Variants in MYO10 observed in about 807,000 individuals in gnomAD.
The protein encoded by MYO10 is myosin X, also known as unconventional myosin-X.
MYO10 carries 133 observed loss-of-function variants against 257.3 expected under a neutral mutation model. The ratio of observed to expected loss-of-function variants is 0.52; its 90% confidence interval spans 0.45 to 0.60. MYO10 has a LOEUF of 0.60. Among genes scored for constraint, MYO10 ranks in the 20% least tolerant of loss-of-function variants. The probability of loss-of-function intolerance (pLI) is 0.00; values close to 1 mark genes in which losing one functional copy is unlikely to be tolerated. For synonymous variants in MYO10, 1,104 were observed against 1,028.6 expected (o/e 1.07, Z -1.40); for missense variants, 2,399 against 2,635.7 (o/e 0.91, Z 1.97).
chr5:16,722,967 A>G (rs1739209254), intron 19 of MYO10, among the ~76,000 whole-genome samples: 1 of 152,236 alleles, frequency 6.6e-6, no homozygotes, highest in Non-Finnish European at 1.5e-5. Flanking sequence ...AACACTTAAA[A>G]CTAAACAATA....
At chr5:16,925,878 G>A (rs770948691) in intron 1 of MYO10, among the ~76,000 whole-genome samples, 10 of 152,114 alleles carry the variant, frequency 6.6e-5, no homozygotes, top group Non-Finnish European at 1.5e-4. Context: ...TCAGAATTTG[G>A]AATATTTGCA....
intron 2 of MYO10, among the ~76,000 whole-genome samples, chr5:16,854,927 G>A (rs374161481): frequency 6.6e-6 from 1 of 151,952 alleles, no homozygotes. Flanking sequence ...CAGCTACTCG[G>A]GAGGCTGAGG....
intron 2 of MYO10, among the ~76,000 whole-genome samples, chr5:16,874,344 C>CT (rs796101418): frequency 6.0e-4 from 17 of 28,468 alleles, no homozygotes; most frequent in African/African-American, 9.1e-4. Flanking sequence ...AAAAAAAAAG[C>CT]GGGGGGGGGG....
rs1579961087 is a variant in MYO10 at position 16,762,035 on chromosome 5, A to G, written c.1656+10T>C. Reference sequence around the variant, plus strand: ...GGCAAATATCAATAGGTATCTTAATAAAAAGTTACCTCTCCAGCATAGTGC... The same window carrying G: ...GGCAAATATCAATAGGTATCTTAATGAAAAGTTACCTCTCCAGCATAGTGC... On this transcript the variant is annotated intron_variant, in intron 16 of 40. Coordinates refer to ENST00000513610, the MANE Select transcript of MYO10 (RefSeq NM_012334.3). 1 of 1,529,650 alleles carries G rather than the reference A, an allele frequency of 6.5e-7. No individual in the cohort carries two copies. 94.8% of individuals were successfully genotyped at this position (1,529,650 alleles called of 1,614,324 possible).
In MYO10 at chr5:16,845,962, C is replaced by CA. The variant is rs577032283; in HGVS notation, c.121-27796dup. On this transcript the variant is annotated intron_variant, in intron 2 of 40. Transcript: ENST00000513610. ...CTGGTGACAGAGCGAGACTCTGTCT[C>CA]AAAAAAAAAAGAAAAGGAAAAGAAT... is the stretch of plus-strand genomic sequence containing the variant. Among the ~76,000 whole-genome samples, 821 of 140,482 alleles carry CA rather than the reference C, an allele frequency of 5.8e-3. 5 individuals carry two copies. The highest frequency in any genetic ancestry group is 0.021 in the Middle Eastern group (6 of 280). The allele number at this position is 140,482 out of a possible 152,430, so 92.2% of individuals were successfully genotyped here.
chr5:16,760,962 A>ATATTATTAT (rs149691790), intron 17 of MYO10, among the ~76,000 whole-genome samples: 1 of 150,596 alleles, frequency 6.6e-6, no homozygotes, highest in Admixed American at 6.6e-5. Flanking sequence ...GTCATTGCTT[A>ATATTATTAT]TATTATTATT....
At chr5:16,679,524 G>GTTTTTTTTTTTTTTTTTTTGTT (rs33919452) in intron 33 of MYO10, among the ~76,000 whole-genome samples, 3 of 122,672 alleles carry the variant, frequency 2.4e-5, no homozygotes, top group African/African-American at 9.7e-5. Context: ...TTTTTTGGGT[G>GTTTTTTTTTTTTTTTTTTTGTT]TTTTTTTTTT....
At chr5:16,783,655 A>G (rs535172462) in intron 4 of MYO10, among the ~76,000 whole-genome samples, 186 bp from the exon 5 acceptor site, 164 of 152,318 alleles carry the variant, frequency 1.1e-3, no homozygotes, top group African/African-American at 3.8e-3. Context: ...TGCTGGCCAC[A>G]TTGTGTCTGG....
In MYO10 at chr5:16,666,695, C is replaced by G. The variant is rs1262743938; in HGVS notation, c.6174G>C (p.Arg2058Ser). 1 of 1,599,868 alleles carries G rather than the reference C, an allele frequency of 6.3e-7. No individual in the cohort carries two copies. The highest frequency in any genetic ancestry group is 8.5e-7 in the Non-Finnish European group (1 of 1,175,032). ...TRSASSQGSS[R>S] ...ACAGGTGGGCTCTGTCCCGCCTTCA[C>G]CTGGAGCTGCCCTGGCTGCTGGCGG... The change falls in exon 41 of 41, where the codon AGG becomes AGC. Residue 2058 changes from arginine (R) to serine (S), a missense_variant. Coordinates refer to ENST00000513610, the MANE Select transcript of MYO10 (RefSeq NM_012334.3).
rs143652693 is a variant in MYO10, at chr5:16,934,858, T to C, written c.21+930A>G. On this transcript the variant is annotated intron_variant, in intron 1 of 40. Transcript: ENST00000513610. The stretch of plus-strand genomic sequence containing the variant: ...GAGGCAAGCCCTCATCAATCTGATT[T>C]GCTGGAAGACTCCAAAGCGGTTCTG... 1.4e-4 allele frequency among the ~76,000 whole-genome samples: 21 copies of C among 152,356 alleles called. No homozygotes were observed. In the East Asian group the frequency reaches 3.9e-3, roughly 28 times the overall value.
chr5:16,692,393 C>T (rs1205935990), intron 27 of MYO10, among the ~76,000 whole-genome samples: 1 of 151,874 alleles, frequency 6.6e-6, no homozygotes, highest in Non-Finnish European at 1.5e-5. Flanking sequence ...ACACTCCAGC[C>T]TAGGCAACAG....
At chr5:16,706,080 G>A (rs113242254) in intron 21 of MYO10, among the ~76,000 whole-genome samples, 2,638 of 152,168 alleles carry the variant, frequency 0.017, 76 homozygotes, top group African/African-American at 0.059. Context: ...ATACTTGGGA[G>A]GCTGAGGCAG....
chr5:16,866,174 G>C (rs1249265912), intron 2 of MYO10, among the ~76,000 whole-genome samples: 1 of 152,008 alleles, frequency 6.6e-6, no homozygotes, highest in Non-Finnish European at 1.5e-5. Flanking sequence ...AAATCCTTCA[G>C]ACACCCAGCA....
chr5:16,884,774 A>G (rs1486410492), intron 1 of MYO10, among the ~76,000 whole-genome samples: 3 of 151,770 alleles, frequency 2.0e-5, no homozygotes, highest in African/African-American at 7.3e-5. Flanking sequence ...CTTTTATAAC[A>G]TGAAGTTGTA....
rs201709146 is a variant in MYO10 at position 16,680,063 on chromosome 5, G to C, written c.4426C>G (p.Arg1476Gly). 2 of 1,611,602 alleles carry C rather than the reference G, an allele frequency of 1.2e-6. No homozygotes were observed. The highest frequency in any genetic ancestry group is 1.7e-5 in the Admixed American group (1 of 59,816). The change falls in exon 33 of 41, where the codon CGG becomes GGG. Residue 1476 changes from arginine to glycine, a missense_variant. Around this residue, in one of 3 missense-constraint regions of MYO10, gnomAD observed 1,820 missense variants for 1,939.4 expected, o/e 0.94. Coordinates refer to ENST00000513610, the MANE Select transcript of MYO10 (RefSeq NM_012334.3). The part of the protein sequence containing the change: ...VTVYGRKHCY[R>G]LYTKLLNEAT... ...TCGTTGAGCAGCTTGGTGTAGAGCC[G>C]GTAACAGTGCTTGCGCCCGTACACG...
chr5:16,723,194 C>T (rs1326898859), intron 19 of MYO10, among the ~76,000 whole-genome samples: 2 of 151,944 alleles, frequency 1.3e-5, no homozygotes, highest in East Asian at 1.9e-4. Context: ...ACCATCCTGG[C>T]TAACACAGTG....
rs183254487 is a variant in MYO10 at position 16,826,270 on chromosome 5, A to C, written c.121-8103T>G. On this transcript the variant is annotated intron_variant, in intron 2 of 40. Transcript: ENST00000513610. ...CTCTCCTAGATCTATGCTACCTATA[A>C]CTTAAGGACAACAAACAAGATTTTC... Among the ~76,000 whole-genome samples the C allele has an allele frequency of 1.5e-4, 23 of 152,300 alleles. No individual in the cohort carries two copies. The East Asian group carries it at 2.9e-3, about 19-fold the overall frequency.
intron 3 of MYO10, among the ~76,000 whole-genome samples, chr5:16,803,357 G>A (rs1742178343): frequency 6.6e-6 from 1 of 152,124 alleles, no homozygotes; most frequent in African/African-American, 2.4e-5. Context: ...GAGCCCAGGA[G>A]GCAGAGGTTG....
rs1026117715 is a variant in MYO10 at position 16,802,197 on chromosome 5, G to A, written c.280-7364C>T. On this transcript the variant is annotated intron_variant, in intron 3 of 40. Coordinates refer to ENST00000513610, the MANE Select transcript of MYO10 (RefSeq NM_012334.3). ...CTGGAGATGGGGGAAATGGGGAGCT[G>A]TTGTTTAATGAGTATGGATTCAGTT... 4.6e-5 allele frequency among the ~76,000 whole-genome samples: 7 copies of A among 152,276 alleles called. No individual in the cohort carries two copies. The South Asian group carries it at 6.2e-4, about 14-fold the overall frequency.
Sources: gnomAD v4.1 joint callset for allele counts (sites outside exome capture counted in the v4.1 genomes callset) on GRCh38, gnomAD v4.1.1 for gene constraint, gnomAD v4.1.1 regional missense constraint, MANE v1.5 for transcripts, NCBI Gene and HGNC (gene_info 2026-07-23, HGNC 2026-07-21) for gene names.